Variants in ACSL3 observed in about 807,000 individuals in gnomAD.
The protein encoded by ACSL3 is fatty acid CoA ligase Acsl3.
Under a neutral mutation model 84.7 loss-of-function variants are expected in ACSL3, and 34 were observed. That is an observed-to-expected ratio of 0.40 (90% CI 0.31 to 0.53). ACSL3 has a LOEUF of 0.53. Among genes scored for constraint, ACSL3 ranks in the 20% least tolerant of loss-of-function variants. ACSL3 has a pLI of 0.48. For synonymous variants in ACSL3, 315 were observed against 299.4 expected, an observed-to-expected ratio of 1.05 and a Z score of -0.54; for missense variants, 680 against 873.1, an observed-to-expected ratio of 0.78 and a Z score of 2.79.
rs1452581685 is a variant in ACSL3 at position 222,942,357 on chromosome 2, AAC to A, written c.*707_*708del. On this transcript the variant is annotated 3_prime_UTR_variant, in exon 17 of 17. Coordinates refer to ENST00000357430, the MANE Select transcript of ACSL3 (RefSeq NM_004457.5). ...GTTATAGTTTAATAGTAAGGGAGAT[AAC>A]ACAGCATGTGTAGCACCAGTTGATA... 3.2e-5 allele frequency: 6 copies of A among 190,440 alleles called. No homozygotes were observed. The highest frequency in any genetic ancestry group is 6.6e-5 in the Non-Finnish European group (6 of 90,508). The allele number at this position is 190,440 out of a possible 1,614,324, so 11.8% of individuals were successfully genotyped here.
chr2:222,863,253 A>C (rs535592933), intron 1 of ACSL3, among the ~76,000 whole-genome samples: 1 of 152,226 alleles, frequency 6.6e-6, no homozygotes, highest in Non-Finnish European at 1.5e-5. Flanking sequence ...CAAGATTGTG[A>C]TGTAGATGGA....
intron 3 of ACSL3, among the ~76,000 whole-genome samples, chr2:222,907,483 G>A (rs748977372): frequency 6.6e-6 from 1 of 152,096 alleles, no homozygotes; most frequent in Non-Finnish European, 1.5e-5. Flanking sequence ...AATGATGGCC[G>A]GATGTGGTGG....
chr2:222,921,459 G>T, intron 8 of ACSL3, 29 bp downstream of exon 8: 2 of 1,548,890 alleles, frequency 1.3e-6, no homozygotes, highest in Non-Finnish European at 1.8e-6. Flanking sequence ...ACATTGAGTA[G>T]TTAAGTATTT....
intron 15 of ACSL3, chr2:222,933,800 T>A (rs1697098792): frequency 6.6e-6 from 1 of 152,260 alleles, no homozygotes; most frequent in Non-Finnish European, 1.5e-5. Context: ...CTACGACAGT[T>A]GACATGAATT....
chr2:222,879,318 AAAAAT>A (rs757720857), intron 1 of ACSL3, among the ~76,000 whole-genome samples: 55 of 152,208 alleles, frequency 3.6e-4, no homozygotes, highest in African/African-American at 6.0e-4. Flanking sequence ...ACTGTCTCAA[AAAAAT>A]AAAATAAAAT....
At position 222,943,712 on chromosome 2, in the gene ACSL3, C is replaced by T. The variant is rs1360709968; in HGVS notation, c.*2058C>T. 1 of 151,940 alleles carries T rather than the reference C, an allele frequency of 6.6e-6. No individual in the cohort carries two copies. The highest frequency in any genetic ancestry group is 2.4e-5 in the African/African-American group (1 of 41,412). 9.4% of individuals were successfully genotyped at this position (151,940 alleles called of 1,614,324 possible). A position where few individuals can be genotyped will look rare whatever the true frequency, so the allele number is the denominator to read the frequency against. On this transcript the variant is annotated 3_prime_UTR_variant, in exon 17 of 17. Coordinates refer to ENST00000357430, the MANE Select transcript of ACSL3 (RefSeq NM_004457.5). ...AAATTAAGTAGAGTCCCCTTTTAAA[C>T]AAATTTGTCTGTAAGCAAAACTATC...
intron 15 of ACSL3, among the ~76,000 whole-genome samples, chr2:222,933,976 A>G (rs1178919339): frequency 6.6e-6 from 1 of 152,210 alleles, no homozygotes; most frequent in Non-Finnish European, 1.5e-5. Context: ...TTCATGTGAT[A>G]GTAACCAGAA....
At chr2:222,891,068 A>G (rs1483229670) in intron 2 of ACSL3, among the ~76,000 whole-genome samples, 1 of 152,200 alleles carries the variant, frequency 6.6e-6, no homozygotes, top group African/African-American at 2.4e-5. Context: ...ACGTAGCTGG[A>G]TTGAGTTGGA....
At chr2:222,862,238 G>A (rs927023580) in intron 1 of ACSL3, among the ~76,000 whole-genome samples, 13 of 152,170 alleles carry the variant, frequency 8.5e-5, no homozygotes, top group African/African-American at 2.9e-4. Context: ...CTGGGGTGGG[G>A]GTTATTCCCA....
At chr2:222,926,680 T>C (rs1479326512) in intron 11 of ACSL3, among the ~76,000 whole-genome samples, 2 of 152,158 alleles carry the variant, frequency 1.3e-5, no homozygotes, top group African/African-American at 4.8e-5. Context: ...ATGATAGAAT[T>C]GTTCAGTATT....
chr2:222,864,332 T>G (rs1007290749), intron 1 of ACSL3, among the ~76,000 whole-genome samples: 1 of 151,860 alleles, frequency 6.6e-6, no homozygotes, highest in African/African-American at 2.4e-5. Context: ...AAGACCTCCA[T>G]GTAGAGGCAA....
intron 1 of ACSL3, among the ~76,000 whole-genome samples, chr2:222,886,855 C>G (rs1559282328): frequency 1.3e-5 from 2 of 152,124 alleles, no homozygotes; most frequent in African/African-American, 4.8e-5. Flanking sequence ...TAGCCTCCCT[C>G]TTTATCAACA....
At chr2:222,936,667 G>A (rs1042473651) in intron 16 of ACSL3, among the ~76,000 whole-genome samples, 4 of 118,000 alleles carry the variant, frequency 3.4e-5, no homozygotes, top group African/African-American at 1.3e-4. Flanking sequence ...TTCTGAACAT[G>A]TATTAGTCTG....
chr2:222,880,701 G>A (rs943411554), intron 1 of ACSL3, among the ~76,000 whole-genome samples: 1 of 151,816 alleles, frequency 6.6e-6, no homozygotes, highest in Middle Eastern at 3.4e-3. Flanking sequence ...GTGGTGGTGG[G>A]TGCCTGGAGT....
chr2:222,907,799 A>G (rs547286841), intron 3 of ACSL3, among the ~76,000 whole-genome samples: 2 of 151,602 alleles, frequency 1.3e-5, no homozygotes, highest in East Asian at 3.9e-4. Flanking sequence ...CTGCCACACA[A>G]TGGCTGTTCC....
Position 222,922,843 on chromosome 2 carries a change from G to A in ACSL3, c.1080+12G>A, listed in dbSNP as rs759119779. The A allele has an allele frequency of 4.3e-6, 7 of 1,613,390 alleles. No homozygotes were observed. Among genetic ancestry groups the A allele is most frequent in the South Asian group, 1.1e-5 (1 of 90,960 alleles). On this transcript the variant is annotated intron_variant, in intron 9 of 16. Coordinates refer to ENST00000357430, the MANE Select transcript of ACSL3 (RefSeq NM_004457.5). ...CTTTAGCAGATCAGGTAAGTTCAGT[G>A]TCTGTGACTTGAAATACTAAAAAAT...
chr2:222,918,823 A>G (rs1228985457), intron 6 of ACSL3, among the ~76,000 whole-genome samples: 1 of 151,736 alleles, frequency 6.6e-6, no homozygotes, highest in Non-Finnish European at 1.5e-5. Context: ...ACCCTTCTTG[A>G]TCAGGGTTTT....
chr2:222,935,988 G>A (rs1454440513), intron 16 of ACSL3, among the ~76,000 whole-genome samples: 1 of 151,790 alleles, frequency 6.6e-6, no homozygotes, highest in African/African-American at 2.4e-5. Context: ...ATTACTTGAG[G>A]TACTTCATAC....
chr2:222,872,404 G>A (rs143086216), intron 1 of ACSL3, among the ~76,000 whole-genome samples: 451 of 152,262 alleles, frequency 3.0e-3, no homozygotes, highest in Non-Finnish European at 4.5e-3. Flanking sequence ...GGGATTACAG[G>A]TGCTCCTGGC....
Sources: gnomAD v4.1 joint callset for allele counts (sites outside exome capture counted in the v4.1 genomes callset) on GRCh38, gnomAD v4.1.1 for gene constraint, MANE v1.5 for transcripts, NCBI Gene and HGNC (gene_info 2026-07-23, HGNC 2026-07-21) for gene names.